Variants in MED27 observed in about 807,000 individuals in gnomAD.
MED27 encodes mediator complex subunit 27, also known as mediator of RNA polymerase II transcription subunit 27.
In MED27, 30 loss-of-function variants were observed where a neutral mutation model predicts 38.2. The ratio of observed to expected loss-of-function variants is 0.79; its 90% confidence interval spans 0.59 to 1.07. The LOEUF (loss-of-function observed/expected upper bound fraction) is 1.07. MED27 is among the 50% of genes least tolerant of loss of function. The pLI, the probability that MED27 is intolerant of heterozygous loss-of-function variation, is 0.00. For synonymous variants in MED27, 122 were observed against 153.5 expected, an observed-to-expected ratio of 0.79 and a Z score of 1.52; for missense variants, 289 against 397.5, an observed-to-expected ratio of 0.73 and a Z score of 2.32.
At chr9:132,038,177 C>T (rs1833122984) in intron 2 of MED27, among the ~76,000 whole-genome samples, 1 of 151,152 alleles carries the variant, frequency 6.6e-6, no homozygotes, top group Admixed American at 6.6e-5. Flanking sequence ...TAAAATGTGC[C>T]AGGCATCCTT....
Position 132,053,800 on chromosome 9 carries a change from A to AG in MED27, c.348+23641dup, listed in dbSNP as rs971231725. On this transcript the variant is annotated intron_variant, in intron 2 of 7. Transcript: ENST00000292035. Reference sequence around the variant, plus strand: ...AAATACAGAGTTCCCCAAAGCGTGGAGTGTACCCCTGGTGAGTACCAGGTG... The same window carrying AG: ...AAATACAGAGTTCCCCAAAGCGTGGAGGTGTACCCCTGGTGAGTACCAGGTG... Among the ~76,000 whole-genome samples the AG allele has an allele frequency of 1.6e-3, 243 of 152,294 alleles. 1 individual carries two copies. The highest frequency in any genetic ancestry group is 5.7e-3 in the African/African-American group (237 of 41,554).
chr9:132,074,397 A>C (rs1471012287), intron 2 of MED27, among the ~76,000 whole-genome samples: 3 of 152,236 alleles, frequency 2.0e-5, no homozygotes, highest in Non-Finnish European at 4.4e-5. Flanking sequence ...CAGCACATAA[A>C]ACAGAAAGTT....
chr9:132,012,637 A>T (rs1832507918), intron 3 of MED27, among the ~76,000 whole-genome samples: 1 of 152,050 alleles, frequency 6.6e-6, no homozygotes, highest in Non-Finnish European at 1.5e-5. Flanking sequence ...TCTGCCTCAT[A>T]TTGGCTCCTC....
intron 2 of MED27, among the ~76,000 whole-genome samples, chr9:132,064,060 G>A (rs1833754715): frequency 1.3e-5 from 2 of 152,186 alleles, no homozygotes; most frequent in Non-Finnish European, 2.9e-5. Context: ...TTGAAACTCA[G>A]GTGATTCCAA....
rs940677221 is a variant in MED27 at position 131,914,060 on chromosome 9, G to C, written c.574-20068C>G. ...TAATGTGATAAAATTATATTCTTCT[G>C]GGGGAGCTTGCAGCCTAGCAGGGGA... On this transcript the variant is annotated intron_variant, in intron 4 of 7. Coordinates refer to ENST00000292035, the MANE Select transcript of MED27 (RefSeq NM_004269.4). Among the ~76,000 whole-genome samples the C allele has an allele frequency of 2.0e-5, 3 of 152,318 alleles. No individual in the cohort carries two copies. The South Asian group carries it at 6.2e-4, about 32-fold the overall frequency.
At chr9:131,878,219 G>A (rs1317574327) in intron 6 of MED27, among the ~76,000 whole-genome samples, 1 of 151,844 alleles carries the variant, frequency 6.6e-6, no homozygotes, top group Admixed American at 6.6e-5. Flanking sequence ...GTTGCAGTGA[G>A]CTGAGATTAC....
In MED27 at chr9:132,067,443, C is replaced by T. The variant is rs576748495; in HGVS notation, c.348+9999G>A. On this transcript the variant is annotated intron_variant, in intron 2 of 7. Coordinates refer to ENST00000292035, the MANE Select transcript of MED27 (RefSeq NM_004269.4). ...TGAGACCTGAATGACTAAGAGTTTT[C>T]CACAGAAAGAAAGGAGGAGGAAGAA... Among the ~76,000 whole-genome samples, 100 of 152,260 alleles carry T rather than the reference C, an allele frequency of 6.6e-4. 3 individuals carry two copies. Among genetic ancestry groups the T allele is most frequent in the East Asian group, 2.5e-3 (13 of 5,186 alleles).
intron 3 of MED27, among the ~76,000 whole-genome samples, chr9:131,998,154 C>T (rs948741819): frequency 1.3e-5 from 2 of 151,304 alleles, no homozygotes; most frequent in African/African-American, 2.4e-5. Context: ...GGTTCACACG[C>T]AAGTCTCAGA....
At chr9:131,863,851 G>A (rs1347658749) in intron 6 of MED27, among the ~76,000 whole-genome samples, 2 of 152,192 alleles carry the variant, frequency 1.3e-5, no homozygotes, top group South Asian at 2.1e-4. Flanking sequence ...GACTCCTCAG[G>A]AGAAGTTTAT....
intron 3 of MED27, among the ~76,000 whole-genome samples, chr9:132,008,915 C>G (rs1019653702): frequency 6.6e-6 from 1 of 152,192 alleles, no homozygotes; most frequent in African/African-American, 2.4e-5. Context: ...TAAGCCTATG[C>G]AAGAAAGCAT....
At chr9:132,062,120 G>A (rs1490714727) in intron 2 of MED27, among the ~76,000 whole-genome samples, 2 of 152,204 alleles carry the variant, frequency 1.3e-5, no homozygotes, top group African/African-American at 2.4e-5. Flanking sequence ...CCCAATTAAA[G>A]CTATCATATT....
intron 4 of MED27, among the ~76,000 whole-genome samples, chr9:131,914,282 A>C (rs2131542119): frequency 6.6e-6 from 1 of 152,328 alleles, no homozygotes; most frequent in Non-Finnish European, 1.5e-5. Context: ...ACATCCAGTA[A>C]TGGGAAGCCA....
intron 6 of MED27, among the ~76,000 whole-genome samples, chr9:131,878,783 T>G (rs183653365): frequency 1.3e-5 from 2 of 152,182 alleles, no homozygotes; most frequent in African/African-American, 4.8e-5. Flanking sequence ...GCTTGAAACC[T>G]TTCCTGGCTC....
intron 6 of MED27, among the ~76,000 whole-genome samples, chr9:131,876,200 T>TC (rs1838929434): frequency 1.3e-5 from 2 of 152,186 alleles, no homozygotes; most frequent in African/African-American, 4.8e-5. Context: ...GAAGCAGTTT[T>TC]CAGATTTTGA....
rs541251718 is a variant in MED27 at position 131,900,232 on chromosome 9, C to G, written c.574-6240G>C. On this transcript the variant is annotated intron_variant, in intron 4 of 7. Coordinates refer to ENST00000292035, the MANE Select transcript of MED27 (RefSeq NM_004269.4). ...AAAACCTGCCCCTGCCTAGCCCCCC[C>G]ATCAGGTCAGCTGCACTCTGGGCAG... Among the ~76,000 whole-genome samples, 13 of 152,316 alleles carry G rather than the reference C, an allele frequency of 8.5e-5. No individual in the cohort carries two copies. The East Asian group carries it at 1.9e-3, about 23-fold the overall frequency.
In MED27 at chr9:132,051,534, GCA is replaced by G. The variant is rs1190448181; in HGVS notation, c.348+25906_348+25907del. 6.6e-6 allele frequency among the ~76,000 whole-genome samples: 1 copy of G among 152,176 alleles called. No homozygotes were observed. The highest frequency in any genetic ancestry group is 2.4e-5 in the African/African-American group (1 of 41,434). The stretch of plus-strand genomic sequence containing the variant: ...CTAGACATAAAGACTGTGGAAATAT[GCA>G]CAGTGAAGGAAAAAAGGGTTAGGTC... On this transcript the variant is annotated intron_variant, in intron 2 of 7. Coordinates refer to ENST00000292035, the MANE Select transcript of MED27 (RefSeq NM_004269.4). This position sits in a 1 kb window ranked among gnomAD's most constrained non-coding sequence, Gnocchi z 4.2.
chr9:132,000,595 T>C (rs868771875), intron 3 of MED27, among the ~76,000 whole-genome samples: 1 of 152,156 alleles, frequency 6.6e-6, no homozygotes, highest in African/African-American at 2.4e-5. Context: ...AACAACCCAG[T>C]TGTCCATCAA....
At chr9:131,930,387 T>A (rs552896006) in intron 4 of MED27, among the ~76,000 whole-genome samples, 1 of 152,002 alleles carries the variant, frequency 6.6e-6, no homozygotes, top group Non-Finnish European at 1.5e-5. Flanking sequence ...ACAAATAACA[T>A]AGAGTGGAGC....
At chr9:131,933,461 C>T (rs556442613) in intron 4 of MED27, among the ~76,000 whole-genome samples, 8 of 151,756 alleles carry the variant, frequency 5.3e-5, no homozygotes, top group South Asian at 4.2e-4. Context: ...ATGCTAAGAG[C>T]GAACAATATG....
Sources: gnomAD v4.1 joint callset for allele counts (sites outside exome capture counted in the v4.1 genomes callset) on GRCh38, gnomAD v4.1.1 for gene constraint, Gnocchi (gnomAD v3.1) non-coding constraint, MANE v1.5 for transcripts, NCBI Gene and HGNC (gene_info 2026-07-23, HGNC 2026-07-21) for gene names.